The following TSGA10 variants were observed in gnomAD, a reference collection of about 807,000 sequenced individuals.
TSGA10 encodes testis specific 10, also known as testis-specific gene 10 protein.
In TSGA10, 43 loss-of-function variants were observed where a neutral mutation model predicts 96.6. The ratio of observed to expected loss-of-function variants is 0.44; its 90% CI spans 0.35 to 0.57. The LOEUF is 0.57. Among genes scored for constraint, TSGA10 ranks in the 20% least tolerant of loss-of-function variants. TSGA10 has a pLI of 0.01. For missense variants in TSGA10, 703 were observed against 834.4 expected (o/e 0.84, Z 1.94); for synonymous variants, 229 against 269.9 (o/e 0.85, Z 1.48).
rs568300449 is a variant in TSGA10, at chr2:99,147,446, C to T, written c.-621+7247G>A. 1.9e-6 allele frequency: 3 copies of T among 1,613,610 alleles called. No individual in the cohort carries two copies. In the African/African-American group the frequency reaches 4.0e-5, roughly 22 times the overall value. ...CCTAAATGCCAGTCCAAAGAGGCCC[C>T]CAATAGACTTGTTCACCCTTCATGT... On this transcript the variant is annotated intron_variant, in intron 1 of 20. Coordinates refer to ENST00000393483, the MANE Select transcript of TSGA10 (RefSeq NM_025244.4).
Position 99,133,477 on chromosome 2 carries a change from G to A in TSGA10, c.-620-6301C>T, listed in dbSNP as rs546093695. 3.3e-5 allele frequency among the ~76,000 whole-genome samples: 5 copies of A among 152,066 alleles called. No homozygotes were observed. The South Asian group carries it at 1.0e-3, about 32-fold the overall frequency. Reference sequence around the variant, plus strand: ...ATCCCTTTATTTTGAGCCTATGTGTGTCTTTGCATATGAGATGGGTCTCCT... The same window carrying A: ...ATCCCTTTATTTTGAGCCTATGTGTATCTTTGCATATGAGATGGGTCTCCT... On this transcript the variant is annotated intron_variant, in intron 1 of 20. Coordinates refer to ENST00000393483, the MANE Select transcript of TSGA10 (RefSeq NM_025244.4).
At position 99,018,205 on chromosome 2, in the gene TSGA10, T is replaced by C; in HGVS notation, c.2067A>G (p.Leu689=). 6.2e-7 allele frequency: 1 copy of C among 1,614,036 alleles called. No homozygotes were observed. Among genetic ancestry groups the C allele is most frequent in the South Asian group, 1.1e-5 (1 of 91,068 alleles). ...GGATCCTTAAATAGACTCACTCTTC[T>C]AATGATCGATCTAGGCCTCGGTCAG... ...RSPDRGLDRS[L]EENLCYRDF Residue 689 remains leucine, a synonymous_variant, in exon 20 of 21, where the codon TTA becomes TTG. Transcript: ENST00000393483.
intron 1 of TSGA10, among the ~76,000 whole-genome samples, chr2:99,149,752 T>TC (rs1559157540): frequency 2.7e-5 from 4 of 146,040 alleles, no homozygotes; most frequent in Non-Finnish European, 4.5e-5. Context: ...GATCATCTCT[T>TC]TTTACAGACT....
intron 16 of TSGA10, among the ~76,000 whole-genome samples, chr2:99,051,821 C>T (rs1195073129): frequency 6.7e-6 from 1 of 149,284 alleles, no homozygotes; most frequent in South Asian, 2.1e-4. Context: ...AAATGAATAA[C>T]AGAAAAAAAG....
At chr2:99,020,174 A>T in intron 18 of TSGA10, 106 bp downstream of exon 18, 1 of 886,918 alleles carries the variant, frequency 1.1e-6, no homozygotes, top group Non-Finnish European at 1.7e-6. Context: ...TCTGATCCTT[A>T]GGCAAAGTAT....
intron 4 of TSGA10, among the ~76,000 whole-genome samples, chr2:99,112,098 CTG>C (rs1316152329): frequency 6.6e-6 from 1 of 152,194 alleles, no homozygotes; most frequent in African/African-American, 2.4e-5. Flanking sequence ...TGATTCCACT[CTG>C]AAAAACAAAA....
intron 1 of TSGA10, chr2:99,147,442 GCCC>G: frequency 1.9e-6 from 3 of 1,612,968 alleles, no homozygotes; most frequent in South Asian, 1.1e-5. Flanking sequence ...GTCCAAAGAG[GCCC>G]CCAATAGACT....
chr2:99,105,284 T>A (rs1347083592), intron 9 of TSGA10, 75 bp downstream of exon 9: 19 of 1,271,568 alleles, frequency 1.5e-5, no homozygotes, highest in Non-Finnish European at 2.1e-5. Flanking sequence ...CTTCTCTGAA[T>A]ACAGAAAAAG....
At chr2:99,081,741 G>A (rs1184644610) in intron 10 of TSGA10, among the ~76,000 whole-genome samples, 1 of 152,036 alleles carries the variant, frequency 6.6e-6, no homozygotes, top group Admixed American at 6.6e-5. Flanking sequence ...TTTTAATTCA[G>A]AAACAAGATG....
At chr2:99,059,992 T>A (rs557236956) in intron 16 of TSGA10, among the ~76,000 whole-genome samples, 1 of 151,300 alleles carries the variant, frequency 6.6e-6, no homozygotes, top group Non-Finnish European at 1.5e-5. Context: ...GAGTCCTATT[T>A]CCTTATGGCT....
At chr2:99,153,450 A>G (rs923265640) in intron 1 of TSGA10, among the ~76,000 whole-genome samples, 3 of 152,214 alleles carry the variant, frequency 2.0e-5, no homozygotes, top group African/African-American at 7.2e-5. Flanking sequence ...GTCACTTGAA[A>G]GGTTCCAGTG....
At chr2:99,133,092 A>G (rs893083516) in intron 1 of TSGA10, among the ~76,000 whole-genome samples, 1 of 152,142 alleles carries the variant, frequency 6.6e-6, no homozygotes, top group Non-Finnish European at 1.5e-5. Flanking sequence ...AGTTCTGTAG[A>G]TGTCTGTTAG....
chr2:99,072,712 C>T (rs971409313), intron 13 of TSGA10, among the ~76,000 whole-genome samples: 1 of 152,190 alleles, frequency 6.6e-6, no homozygotes, highest in Admixed American at 6.5e-5. Context: ...TAGTCTCCTC[C>T]CTTCACTTCT....
intron 10 of TSGA10, among the ~76,000 whole-genome samples, chr2:99,101,664 A>G (rs1484902757): frequency 6.6e-6 from 1 of 152,200 alleles, no homozygotes; most frequent in Non-Finnish European, 1.5e-5. Context: ...TATAAAAACA[A>G]AAGGAGAGAG....
At chr2:99,089,363 T>A (rs1214564015) in intron 10 of TSGA10, among the ~76,000 whole-genome samples, 1 of 152,152 alleles carries the variant, frequency 6.6e-6, no homozygotes, top group Non-Finnish European at 1.5e-5. Flanking sequence ...TCCAACTGAA[T>A]TTTGTAACAA....
chr2:99,021,858 T>A (rs146074204), intron 17 of TSGA10, among the ~76,000 whole-genome samples: 1 of 152,204 alleles, frequency 6.6e-6, no homozygotes, highest in African/African-American at 2.4e-5. Context: ...GAACATTACA[T>A]TGGGCAATGG....
intron 12 of TSGA10, among the ~76,000 whole-genome samples, chr2:99,075,775 G>T (rs928211610): frequency 6.6e-6 from 1 of 151,978 alleles, no homozygotes; most frequent in Non-Finnish European, 1.5e-5. Context: ...ACATTGTTAC[G>T]GTTCGCAGAA....
chr2:99,035,544 T>A, intron 16 of TSGA10, 105 bp from the exon 17 acceptor site: 1 of 654,536 alleles, frequency 1.5e-6, no homozygotes, highest in Non-Finnish European at 2.5e-6. Flanking sequence ...GTAGTGCACT[T>A]AGATTGTATG....
chr2:99,105,737 G>C (rs760240178), intron 7 of TSGA10, 40 bp from the exon 8 acceptor site: 3 of 1,536,286 alleles, frequency 2.0e-6, no homozygotes, highest in Admixed American at 1.9e-5. Flanking sequence ...ACAAGCTTTA[G>C]AACACATAAA....
Sources: allele counts gnomAD v4.1 joint callset (sites outside exome capture counted in the v4.1 genomes callset), GRCh38; gene constraint gnomAD v4.1.1; transcripts MANE v1.5; gene names NCBI Gene and HGNC (gene_info 2026-07-23, HGNC 2026-07-21).